LRP3: variants seen among roughly 807,000 people sequenced by gnomAD.
LRP3 encodes the protein low-density lipoprotein receptor-related protein 3.
A neutral mutation model predicts 58.5 loss-of-function variants in LRP3; 49 were observed. The ratio of observed to expected loss-of-function variants is 0.84; its 90% CI spans 0.67 to 1.06. The LOEUF (loss-of-function observed/expected upper bound fraction) is 1.06. Ranked by LOEUF, LRP3 falls within the 50% of genes least tolerant of loss-of-function variation. The pLI, the probability that LRP3 is intolerant of heterozygous loss-of-function variation, is 0.00. For synonymous variants in LRP3, 485 were observed against 492.2 expected, an observed-to-expected ratio of 0.99 and a Z score of 0.20; for missense variants, 1,019 against 1,134.2, an observed-to-expected ratio of 0.90 and a Z score of 1.46.
chr19:33,206,864 G>A, intron 6 of LRP3, 124 bp from the exon 7 acceptor site: 10 of 1,228,954 alleles, frequency 8.1e-6, no homozygotes, highest in Non-Finnish European at 1.1e-5. Context: ...GGCCAGGTGG[G>A]GGGGGTGGAC....
In LRP3 at chr19:33,206,746, A is replaced by T. The variant is rs758417829; in HGVS notation, c.1725+13A>T. 6.6e-7 allele frequency: 1 copy of T among 1,510,068 alleles called. No individual in the cohort carries two copies. Among genetic ancestry groups the T allele is most frequent in the Admixed American group, 2.3e-5 (1 of 43,554 alleles). 93.5% of individuals were successfully genotyped at this position (1,510,068 alleles called of 1,614,324 possible). On this transcript the variant is annotated intron_variant, in intron 6 of 6. Transcript: ENST00000253193. Reference sequence around the variant, plus strand: ...CAGTGCGTCCCAGGTGAGCCCCCGGAGGGCGTGAGGCCCCTCCGGGGCCAC... The same window carrying T: ...CAGTGCGTCCCAGGTGAGCCCCCGGTGGGCGTGAGGCCCCTCCGGGGCCAC...
chr19:33,204,410 G>C, intron 3 of LRP3: 1 of 571,156 alleles, frequency 1.8e-6, no homozygotes, highest in Non-Finnish European at 3.1e-6. Context: ...CGTGGATGTC[G>C]CAATTCTTCA....
intron 2 of LRP3, among the ~76,000 whole-genome samples, chr19:33,200,871 G>A (rs1255142096): frequency 6.6e-6 from 1 of 152,232 alleles, no homozygotes; most frequent in African/African-American, 2.4e-5. Flanking sequence ...TGGTGACGCA[G>A]TGGTGGCCAG....
In LRP3 at chr19:33,204,669, C is replaced by T. The variant is rs758715647; in HGVS notation, c.292C>T (p.Gln98Ter). 6.2e-7 allele frequency: 1 copy of T among 1,608,236 alleles called. No homozygotes were observed. Among genetic ancestry groups the T allele is most frequent in the Admixed American group, 1.7e-5 (1 of 60,020 alleles). ...FRNFDVEESH[Q>*]CSLDWLLLGP... Reference sequence around the variant, plus strand: ...CAACTTTGACGTGGAGGAGTCCCACCAGTGCTCCCTGGACTGGCTCCTGCT... The same window carrying T: ...CAACTTTGACGTGGAGGAGTCCCACTAGTGCTCCCTGGACTGGCTCCTGCT... Residue 98 changes from glutamine to a stop codon, truncating the protein, a stop_gained, in exon 4 of 7, where the codon CAG (glutamine) becomes TAG (stop). Coordinates refer to ENST00000253193, the MANE Select transcript of LRP3 (RefSeq NM_002333.4). LOFTEE classifies it high-confidence loss of function.
chr19:33,202,242 CTCTTCAGGCCTGTTGTAGTA>C (rs1974348694), intron 2 of LRP3, among the ~76,000 whole-genome samples: 1 of 152,262 alleles, frequency 6.6e-6, no homozygotes, highest in Non-Finnish European at 1.5e-5. Context: ...TTTGCCACCT[CTCTTCAGGCCTGTTGTAGTA>C]TCTTCATTCC....
chr19:33,204,502 TGAG>T (rs887280924), intron 3 of LRP3, 133 bp from the exon 4 acceptor site: 5 of 679,766 alleles, frequency 7.4e-6, no homozygotes, highest in African/African-American at 7.1e-5. Flanking sequence ...GTCTGGAACA[TGAG>T]GAGTGGGGGC....
Position 33,207,835 on chromosome 19 carries a change from C to G in LRP3, c.*260C>G, listed in dbSNP as rs77986576. ...CCCTGGGGTCTCACTTCTCTCCCCCCACTCCATTCTGGGAACCCATTTCCA... is the reference window on the plus strand; with the variant it reads ...CCCTGGGGTCTCACTTCTCTCCCCCGACTCCATTCTGGGAACCCATTTCCA... On this transcript the variant is annotated 3_prime_UTR_variant, in exon 7 of 7. Coordinates refer to ENST00000253193, the MANE Select transcript of LRP3 (RefSeq NM_002333.4). The G allele has an allele frequency of 1.4e-3, 719 of 531,100 alleles. 2 individuals are homozygous for G. Among genetic ancestry groups the G allele is most frequent in the Middle Eastern group, 3.9e-3 (8 of 2,040 alleles). 32.9% of individuals were successfully genotyped at this position (531,100 alleles called of 1,614,324 possible).
rs1017534622 is a variant in LRP3, at chr19:33,205,786, C to T, written c.1016C>T (p.Ala339Val). Reference protein sequence around the residue: ...SNHRPVSLEAAQGRLTVAYHA... With the variant: ...SNHRPVSLEAVQGRLTVAYHA... Reference sequence around the variant, plus strand: ...CACCGGCCCGTGAGCCTGGAGGCCGCCCAGGGCCGCCTCACTGTGGCCTAC... The same window carrying T: ...CACCGGCCCGTGAGCCTGGAGGCCGTCCAGGGCCGCCTCACTGTGGCCTAC... The change falls in exon 5 of 7, where the codon GCC (alanine) becomes GTC (valine). Residue 339 changes from alanine (A) to valine (V), a missense_variant. This residue lies in a region of LRP3 where 592 missense variants were observed against 725.5 expected (regional missense o/e 0.82). Transcript: ENST00000253193. 6.3e-7 allele frequency: 1 copy of T among 1,586,048 alleles called. No individual in the cohort carries two copies. Among genetic ancestry groups the T allele is most frequent in the Non-Finnish European group, 8.6e-7 (1 of 1,169,038 alleles).
chr19:33,204,907 C>G, intron 4 of LRP3, 55 bp downstream of exon 4: 1 of 1,542,714 alleles, frequency 6.5e-7, no homozygotes, highest in Non-Finnish European at 8.9e-7. Context: ...TGCATGCCCA[C>G]AGGCTCCCGG....
Position 33,206,733 on chromosome 19 carries a change from G to C in LRP3, c.1725G>C (p.Gln575His). The change falls in exon 6 of 7, where the codon CAG (glutamine) becomes CAC (histidine). Residue 575 changes from glutamine (Q) to histidine (H), a missense_variant and splice_region_variant. Physicochemically the swap from Gln to His is conservative, Grantham distance 24 (BLOSUM62 0). Coordinates refer to ENST00000253193, the MANE Select transcript of LRP3 (RefSeq NM_002333.4). ...VEDFPVYSAS[Q>H]ASVLQNLRTA... ...ACTTTCCTGTCTACAGTGCGTCCCA[G>C]GTGAGCCCCCGGAGGGCGTGAGGCC... 2.0e-6 allele frequency: 3 copies of C among 1,516,714 alleles called. No individual in the cohort carries two copies. The highest frequency in any genetic ancestry group is 2.6e-6 in the Non-Finnish European group (3 of 1,133,020). 94.0% of individuals were successfully genotyped at this position (1,516,714 alleles called of 1,614,324 possible). A position where few individuals can be genotyped will look rare whatever the true frequency, so the allele number is the denominator to read the frequency against.
chr19:33,205,103 GGA>G, intron 4 of LRP3, 141 bp from the exon 5 acceptor site: 1 of 969,132 alleles, frequency 1.0e-6, no homozygotes, highest in Non-Finnish European at 1.5e-6. Flanking sequence ...CTCAGGTCAG[GGA>G]CAGAGCCCAC....
At position 33,208,782 on chromosome 19, in the gene LRP3, CTT is replaced by C; in HGVS notation, c.*1212_*1213del. ...TTAAACAGGCTTCTGAGAGTCGTAT[CTT>C]TTTTCTTTTTTTTCCAGAAAAAAAC... On this transcript the variant is annotated 3_prime_UTR_variant, in exon 7 of 7. Coordinates refer to ENST00000253193, the MANE Select transcript of LRP3 (RefSeq NM_002333.4). This position sits in a 1 kb window ranked among gnomAD's most constrained non-coding sequence, Gnocchi z 4.7. 1 of 1,478,594 alleles carries C rather than the reference CTT, an allele frequency of 6.8e-7. No individual in the cohort carries two copies. Among genetic ancestry groups the C allele is most frequent in the African/African-American group, 1.4e-5 (1 of 72,072 alleles). 91.6% of individuals were successfully genotyped at this position (1,478,594 alleles called of 1,614,324 possible).
intron 2 of LRP3, among the ~76,000 whole-genome samples, chr19:33,200,019 G>C (rs1375031041): frequency 6.6e-6 from 1 of 152,166 alleles, no homozygotes. Flanking sequence ...TCCAGGACAG[G>C]GGACCTCACA....
chr19:33,206,727 G>C lies in LRP3; in HGVS notation c.1719G>C (p.Ala573=). Reference sequence around the variant, plus strand: ...TGGAGGACTTTCCTGTCTACAGTGCGTCCCAGGTGAGCCCCCGGAGGGCGT... The same window carrying C: ...TGGAGGACTTTCCTGTCTACAGTGCCTCCCAGGTGAGCCCCCGGAGGGCGT... ...PPVEDFPVYS[A]SQASVLQNLR... Residue 573 remains alanine (A), a synonymous_variant, in exon 6 of 7, where the codon GCG becomes GCC. Coordinates refer to ENST00000253193, the MANE Select transcript of LRP3 (RefSeq NM_002333.4). 6.6e-7 allele frequency: 1 copy of C among 1,518,332 alleles called. No individual in the cohort carries two copies. The highest frequency in any genetic ancestry group is 8.8e-7 in the Non-Finnish European group (1 of 1,133,752). 94.1% of individuals were successfully genotyped at this position (1,518,332 alleles called of 1,614,324 possible). A position where few individuals can be genotyped will look rare whatever the true frequency, so the allele number is the denominator to read the frequency against.
In LRP3 at chr19:33,205,412, G is replaced by A. The variant is rs1379558634; in HGVS notation, c.642G>A (p.Gly214=). ...ASEPPGSLCP[G]GTFPCSGARS... ...AGCCTCCAGGCAGCCTGTGCCCCGG[G>A]GGGACCTTCCCATGCAGCGGGGCGC... is the stretch of plus-strand genomic sequence containing the variant. Residue 214 remains glycine (G), a synonymous_variant, in exon 5 of 7, where the codon GGG becomes GGA. Coordinates refer to ENST00000253193, the MANE Select transcript of LRP3 (RefSeq NM_002333.4). 6.3e-7 allele frequency: 1 copy of A among 1,595,094 alleles called. No homozygotes were observed. The highest frequency in any genetic ancestry group is 8.5e-7 in the Non-Finnish European group (1 of 1,169,998).
rs957096450 is a variant in LRP3, at chr19:33,196,595, G to A, written c.74-135G>A. The A allele has an allele frequency of 3.5e-5, 27 of 761,918 alleles. 1 individual carries two copies. Among genetic ancestry groups the A allele is most frequent in the Middle Eastern group, 7.4e-4 (2 of 2,708 alleles). The allele number at this position is 761,918 out of a possible 1,614,324, so 47.2% of individuals were successfully genotyped here. A position where few individuals can be genotyped will look rare whatever the true frequency, so the allele number is the denominator to read the frequency against. On this transcript the variant is annotated intron_variant, in intron 1 of 6. Coordinates refer to ENST00000253193, the MANE Select transcript of LRP3 (RefSeq NM_002333.4). The stretch of plus-strand genomic sequence containing the variant: ...CTCTTGATGGGCAGTCTTGGGCTGC[G>A]CTCTGGGCCTTGCCCTGTAAGAGGA...
rs556263419 is a variant in LRP3, at chr19:33,207,618, C to T, written c.*43C>T. ...GACCGCCACAGCCCCGCTTTGTAAC[C>T]AGGGAATACACAGTCATTTCTACCC... On this transcript the variant is annotated 3_prime_UTR_variant, in exon 7 of 7. Transcript: ENST00000253193. 1.4e-6 allele frequency: 2 copies of T among 1,395,750 alleles called. No individual in the cohort carries two copies. The highest frequency in any genetic ancestry group is 2.8e-5 in the African/African-American group (2 of 71,228). 86.5% of individuals were successfully genotyped at this position (1,395,750 alleles called of 1,614,324 possible).
In LRP3 at chr19:33,194,722, G is replaced by GCAGCCAGAGCCAGAGCCGGAGCCA; in HGVS notation, c.-59_-58insAGAGCCAGAGCCGGAGCCACAGCC. 1.9e-6 allele frequency: 1 copy of GCAGCCAGAGCCAGAGCCGGAGCCA among 526,772 alleles called. No homozygotes were observed. 32.6% of individuals were successfully genotyped at this position (526,772 alleles called of 1,614,324 possible). A position where few individuals can be genotyped will look rare whatever the true frequency, so the allele number is the denominator to read the frequency against. ...CGCAGCCAGAGCCAGAGCCGGAGCCGCAGCCGGAACCGGAGCCGGAGCCGC... is the reference window on the plus strand; with the variant it reads ...CGCAGCCAGAGCCAGAGCCGGAGCCGCAGCCAGAGCCAGAGCCGGAGCCACAGCCGGAACCGGAGCCGGAGCCGC... On this transcript the variant is annotated 5_prime_UTR_variant, in exon 1 of 7. Transcript: ENST00000253193.
Position 33,207,208 on chromosome 19 carries a change from ACCC to A in LRP3, c.1950_1952del (p.Pro651del). 6.5e-7 allele frequency: 1 copy of A among 1,550,324 alleles called. No homozygotes were observed. The highest frequency in any genetic ancestry group is 1.2e-5 in the South Asian group (1 of 84,818). ...CAGCCTGCTCCAGGGGCTGCCCCCG[ACCC>A]CCCAGCACCGCTCATGGACACAGGC... On this transcript the variant is annotated inframe_deletion, in exon 7 of 7. Transcript: ENST00000253193.
Sources: allele counts gnomAD v4.1 joint callset (sites outside exome capture counted in the v4.1 genomes callset), GRCh38; gene constraint gnomAD v4.1.1; regional missense constraint gnomAD v4.1.1; non-coding constraint Gnocchi (gnomAD v3.1); transcripts MANE v1.5; gene names NCBI Gene and HGNC (gene_info 2026-07-23, HGNC 2026-07-21).